The following SLC14A2 variants were observed in gnomAD, a reference collection of about 807,000 sequenced individuals.
The protein encoded by SLC14A2 is urea transporter 2.
In SLC14A2, 91 loss-of-function variants were observed where a neutral mutation model predicts 104.6. The observed-to-expected ratio is 0.87, with a 90% CI of 0.73 to 1.04. SLC14A2 has a LOEUF of 1.04. Among genes scored for constraint, SLC14A2 ranks in the 50% least tolerant of loss-of-function variants. The pLI is 0.00. For missense variants in SLC14A2, 1,189 were observed against 1,156.0 expected (o/e 1.03, Z -0.41); for synonymous variants, 476 against 466.4 (o/e 1.02, Z -0.27).
chr18:45,446,573 G>A (rs2144598109), intron 1 of SLC14A2, among the ~76,000 whole-genome samples: 1 of 152,312 alleles, frequency 6.6e-6, no homozygotes. Context: ...AGCTGCCCAA[G>A]CTGACCAATA....
chr18:45,580,697 T>TAAAG (rs1320427030), intron 2 of SLC14A2, among the ~76,000 whole-genome samples: 1 of 152,164 alleles, frequency 6.6e-6, no homozygotes, highest in African/African-American at 2.4e-5. Context: ...AGCCCCATTT[T>TAAAG]AAAGATGAAA....
At chr18:45,209,500 C>T (rs2083944555), upstream of SLC14A2, among the ~76,000 whole-genome samples, 1 of 151,368 alleles carries the variant, frequency 6.6e-6, no homozygotes, top group Non-Finnish European at 1.5e-5. Context: ...ATAGAGAATG[C>T]TGCATTTTCT....
At chr18:45,356,849 G>C (rs2085559186) in intron 1 of SLC14A2, among the ~76,000 whole-genome samples, 1 of 152,214 alleles carries the variant, frequency 6.6e-6, no homozygotes, top group Non-Finnish European at 1.5e-5. Context: ...TTGGAAATGA[G>C]AGGTCTGTAT....
the SLC14A2 span, among the ~76,000 whole-genome samples, chr18:45,196,656 C>T: frequency 7.9e-5 from 12 of 152,248 alleles, no homozygotes; most frequent in Non-Finnish European, 1.3e-4. Context: ...CAACTCAACC[C>T]ACCAACTGTG....
intron 1 of SLC14A2, among the ~76,000 whole-genome samples, chr18:45,288,078 A>T (rs149511428): frequency 4.6e-4 from 70 of 152,348 alleles, no homozygotes; most frequent in African/African-American, 1.6e-3. Context: ...TCTTAGATCC[A>T]GAAATATTTA....
chr18:45,425,110 A>G (rs1479243380), intron 1 of SLC14A2, among the ~76,000 whole-genome samples: 1 of 152,168 alleles, frequency 6.6e-6, no homozygotes, highest in African/African-American at 2.4e-5. Flanking sequence ...AGTTCCCTTT[A>G]GGAGTTGAGA....
At chr18:45,584,823 G>A (rs561723194) in intron 2 of SLC14A2, among the ~76,000 whole-genome samples, 3 of 152,280 alleles carry the variant, frequency 2.0e-5, no homozygotes, top group East Asian at 1.9e-4. Context: ...AATATAGAAC[G>A]AAGTGATGTT....
chr18:45,200,784 A>G, the SLC14A2 span, among the ~76,000 whole-genome samples: 1 of 152,152 alleles, frequency 6.6e-6, no homozygotes, highest in Non-Finnish European at 1.5e-5. Flanking sequence ...GAATAGTTTT[A>G]TACTTATAGA....
intron 1 of SLC14A2, among the ~76,000 whole-genome samples, chr18:45,397,665 T>C (rs529188402): frequency 6.6e-6 from 1 of 152,320 alleles, no homozygotes; most frequent in Non-Finnish European, 1.5e-5. Flanking sequence ...GCTCTTAAGT[T>C]TAATTAGATC....
rs140330647 is a variant in SLC14A2, at chr18:45,515,882, T to G, written c.-35+32560T>G. On this transcript the variant is annotated intron_variant, in intron 2 of 20. Coordinates refer to the SLC14A2 transcript ENST00000586448. Reference sequence around the variant, plus strand: ...TGAAGCAGGGCCTGCTTTGCATGCCTGCATGCCCTCCTTGAAGTTATCCAT... The same window carrying G: ...TGAAGCAGGGCCTGCTTTGCATGCCGGCATGCCCTCCTTGAAGTTATCCAT... Among the ~76,000 whole-genome samples, 9 of 152,378 alleles carry G rather than the reference T, an allele frequency of 5.9e-5. No individual in the cohort carries two copies. The East Asian group carries it at 1.7e-3, about 29-fold the overall frequency.
intron 1 of SLC14A2, among the ~76,000 whole-genome samples, chr18:45,371,409 CAA>C (rs1485824104): frequency 6.6e-6 from 1 of 151,062 alleles, no homozygotes; most frequent in Non-Finnish European, 1.5e-5. Flanking sequence ...CCATTAATAA[CAA>C]TAATAATAAA....
At chr18:45,225,198 C>G (rs1415689458) in intron 1 of SLC14A2, among the ~76,000 whole-genome samples, 1 of 152,100 alleles carries the variant, frequency 6.6e-6, no homozygotes, top group African/African-American at 2.4e-5. Flanking sequence ...CCAGTTTCAG[C>G]TTTCTACATG....
intron 1 of SLC14A2, among the ~76,000 whole-genome samples, chr18:45,426,026 A>G (rs777713462): frequency 3.9e-5 from 6 of 152,116 alleles, no homozygotes; most frequent in Non-Finnish European, 7.4e-5. Context: ...TTTGTCATTA[A>G]AAGAGAGCAA....
At chr18:45,622,548 A>G (rs1036229117) in intron 1 of SLC14A2, among the ~76,000 whole-genome samples, 1 of 152,166 alleles carries the variant, frequency 6.6e-6, no homozygotes, top group African/African-American at 2.4e-5. Context: ...AGGGAGATGG[A>G]ATACGAAGCC....
At position 45,481,738 on chromosome 18, in the gene SLC14A2, G is replaced by T. The variant is rs558264681; in HGVS notation, c.-124-1495G>T. Among the ~76,000 whole-genome samples the T allele has an allele frequency of 1.1e-4, 16 of 152,286 alleles. No individual in the cohort carries two copies. In the East Asian group the frequency reaches 2.7e-3, roughly 26 times the overall value. On this transcript the variant is annotated intron_variant, in intron 1 of 20. Coordinates refer to the SLC14A2 transcript ENST00000586448. ...TATGTTGACTTCAACCAGAGAAATT[G>T]TTGTTTTCCCTTTCAAAGTTCGTGA...
At chr18:45,429,592 GTCA>G (rs146377483) in intron 1 of SLC14A2, among the ~76,000 whole-genome samples, 1,949 of 152,292 alleles carry the variant, frequency 0.013, 38 homozygotes, top group African/African-American at 0.044. Context: ...CCCATTTAGA[GTCA>G]GAGGCCTCTC....
chr18:45,297,509 G>A (rs866396933), intron 1 of SLC14A2, among the ~76,000 whole-genome samples: 1 of 152,174 alleles, frequency 6.6e-6, no homozygotes, highest in African/African-American at 2.4e-5. Flanking sequence ...GCTCCGCACT[G>A]GAAGTTACCC....
At chr18:45,332,042 T>C (rs1332108359) in intron 1 of SLC14A2, among the ~76,000 whole-genome samples, 3 of 152,176 alleles carry the variant, frequency 2.0e-5, no homozygotes, top group African/African-American at 7.2e-5. Flanking sequence ...AAAGAATAAA[T>C]CCTGTCCCCT....
intron 12 of SLC14A2, among the ~76,000 whole-genome samples, 180 bp from the exon 13 acceptor site, chr18:45,666,755 T>C (rs866878857): frequency 1.3e-5 from 2 of 152,218 alleles, no homozygotes; most frequent in African/African-American, 4.8e-5. Context: ...GTTAACCTAT[T>C]AGATGAGGTC....
Sources: allele counts gnomAD v4.1 joint callset (sites outside exome capture counted in the v4.1 genomes callset), GRCh38; gene constraint gnomAD v4.1.1; transcripts MANE v1.5; gene names NCBI Gene and HGNC (gene_info 2026-07-23, HGNC 2026-07-21).